Variants in TMEM132C observed in about 807,000 individuals in gnomAD.
TMEM132C encodes protein phosphatase 1, regulatory subunit 152.
TMEM132C carries 29 observed loss-of-function variants against 61.4 expected under a neutral mutation model. That is an observed-to-expected ratio of 0.47 (90% CI 0.35 to 0.64). The LOEUF (loss-of-function observed/expected upper bound fraction) is 0.64, where lower values mean the gene tolerates loss of function less well. Among genes scored for constraint, TMEM132C ranks in the 30% least tolerant of loss-of-function variants. TMEM132C has a pLI of 0.00. For synonymous variants in TMEM132C, 656 were observed against 633.1 expected (o/e 1.04, Z -0.54); for missense variants, 1,408 against 1,476.9 (o/e 0.95, Z 0.76).
intron 1 of TMEM132C, among the ~76,000 whole-genome samples, chr12:128,337,155 T>C (rs1872811479): frequency 6.6e-6 from 1 of 152,048 alleles, no homozygotes; most frequent in South Asian, 2.1e-4. Context: ...GTTTTCTTCT[T>C]CCCTTTTTTT....
intron 2 of TMEM132C, among the ~76,000 whole-genome samples, chr12:128,480,503 G>A (rs558110161): frequency 9.9e-5 from 15 of 152,282 alleles, no homozygotes; most frequent in East Asian, 5.8e-4. Flanking sequence ...TCCAGTCCCC[G>A]GCGAAGCCAG....
At chr12:128,420,387 C>A (rs1868947657) in intron 2 of TMEM132C, among the ~76,000 whole-genome samples, 1 of 152,148 alleles carries the variant, frequency 6.6e-6, no homozygotes, top group East Asian at 1.9e-4. Flanking sequence ...TGCAAAGGTC[C>A]TGGGGATGCT....
chr12:128,296,632 G>A (rs961754342), intron 1 of TMEM132C, among the ~76,000 whole-genome samples: 1 of 152,176 alleles, frequency 6.6e-6, no homozygotes, highest in African/African-American at 2.4e-5. Flanking sequence ...TAGAAAGGGA[G>A]CTGGATTCGC....
At chr12:128,555,712 C>CTTT (rs1366121376) in intron 3 of TMEM132C, among the ~76,000 whole-genome samples, 2 of 140,518 alleles carry the variant, frequency 1.4e-5, no homozygotes, top group Admixed American at 7.2e-5. Flanking sequence ...TGTTGCCTAA[C>CTTT]TTTTTTTTTT....
chr12:128,322,055 A>C (rs1308527886), intron 1 of TMEM132C, among the ~76,000 whole-genome samples: 2 of 152,222 alleles, frequency 1.3e-5, no homozygotes, highest in Admixed American at 6.5e-5. Flanking sequence ...TCTCAATAAG[A>C]GATAGAAACT....
intron 2 of TMEM132C, among the ~76,000 whole-genome samples, chr12:128,448,281 C>T (rs1304834398): frequency 1.3e-5 from 2 of 152,204 alleles, no homozygotes; most frequent in Non-Finnish European, 2.9e-5. Flanking sequence ...CCGAAAACCA[C>T]ATGACTTAGA....
At chr12:128,605,356 C>T (rs1413778294) in intron 3 of TMEM132C, among the ~76,000 whole-genome samples, 1 of 152,180 alleles carries the variant, frequency 6.6e-6, no homozygotes, top group Admixed American at 6.5e-5. Flanking sequence ...GGAATTCCCT[C>T]TTACTCTGGG....
At chr12:128,578,273 G>A (rs147772016) in intron 3 of TMEM132C, among the ~76,000 whole-genome samples, 1 of 152,246 alleles carries the variant, frequency 6.6e-6, no homozygotes, top group East Asian at 1.9e-4. Context: ...TAGAATATAG[G>A]TCATGCCTGG....
At chr12:128,688,951 G>A (rs1192630576) in intron 5 of TMEM132C, among the ~76,000 whole-genome samples, 4 of 151,920 alleles carry the variant, frequency 2.6e-5, no homozygotes, top group Non-Finnish European at 5.9e-5. Flanking sequence ...GCACCACCAT[G>A]TCTGGCTAGT....
At chr12:128,345,815 AT>A (rs1299005107) in intron 1 of TMEM132C, among the ~76,000 whole-genome samples, 1 of 151,132 alleles carries the variant, frequency 6.6e-6, no homozygotes, top group Admixed American at 6.6e-5. Context: ...GTTTGCAAAT[AT>A]TTTCTCCTAT....
chr12:128,620,401 A>G (rs1953952932), intron 4 of TMEM132C, among the ~76,000 whole-genome samples: 1 of 152,154 alleles, frequency 6.6e-6, no homozygotes, highest in South Asian at 2.1e-4. Context: ...GCAAACAGGT[A>G]GATACTTCCT....
chr12:128,477,519 G>A (rs567074891), intron 2 of TMEM132C, among the ~76,000 whole-genome samples: 14 of 152,294 alleles, frequency 9.2e-5, no homozygotes, highest in South Asian at 4.1e-4. Context: ...ATAAAGAACT[G>A]AGACAACTAA....
At chr12:128,405,398 G>A (rs1875306806) in intron 1 of TMEM132C, among the ~76,000 whole-genome samples, 1 of 152,154 alleles carries the variant, frequency 6.6e-6, no homozygotes, top group African/African-American at 2.4e-5. Flanking sequence ...TCGTTCATGT[G>A]GGCACCTCTG....
intron 1 of TMEM132C, among the ~76,000 whole-genome samples, chr12:128,378,466 C>G (rs150259000): frequency 6.6e-6 from 1 of 152,312 alleles, no homozygotes; most frequent in East Asian, 1.9e-4. Context: ...TTTGCACCTT[C>G]ACTACCCAGT....
chr12:128,442,853 C>T (rs2136048956), intron 2 of TMEM132C, among the ~76,000 whole-genome samples: 1 of 152,294 alleles, frequency 6.6e-6, no homozygotes, highest in Middle Eastern at 3.4e-3. Flanking sequence ...CAAAAAGAAA[C>T]TCCATTCCTA....
intron 1 of TMEM132C, among the ~76,000 whole-genome samples, chr12:128,381,113 A>G (rs1273671898): frequency 3.9e-5 from 6 of 152,234 alleles, no homozygotes; most frequent in Non-Finnish European, 7.3e-5. Context: ...CAGAAAGGCC[A>G]CTTGCTTATA....
intron 2 of TMEM132C, among the ~76,000 whole-genome samples, chr12:128,457,897 G>A (rs778848843): frequency 2.0e-5 from 3 of 152,118 alleles, no homozygotes; most frequent in African/African-American, 7.2e-5. Flanking sequence ...TAAGTTCAAC[G>A]AATGTGGACC....
At chr12:128,394,363 A>G (rs2136003256) in intron 1 of TMEM132C, among the ~76,000 whole-genome samples, 1 of 152,360 alleles carries the variant, frequency 6.6e-6, no homozygotes, top group South Asian at 2.1e-4. Context: ...AGACACAAGA[A>G]GAAAACTGAT....
chr12:128,594,097 C>T (rs1875859104), intron 3 of TMEM132C, among the ~76,000 whole-genome samples: 1 of 140,316 alleles, frequency 7.1e-6, no homozygotes, highest in Non-Finnish European at 1.5e-5. Flanking sequence ...AAGGGAGAGC[C>T]CCCACCTCCA....
Sources: allele counts gnomAD v4.1 joint callset (sites outside exome capture counted in the v4.1 genomes callset), GRCh38; gene constraint gnomAD v4.1.1; transcripts MANE v1.5; gene names NCBI Gene and HGNC (gene_info 2026-07-23, HGNC 2026-07-21).